Variants in VN1R1 observed in about 807,000 individuals in gnomAD.
VN1R1 encodes vomeronasal 1 receptor 1.
For synonymous variants in VN1R1, 168 were observed against 149.8 expected (o/e 1.12, Z -0.89); for missense variants, 391 against 410.3 (o/e 0.95, Z 0.41).
rs1318650945 is a variant in VN1R1 at position 57,455,968 on chromosome 19, G to C, written c.519C>G (p.Leu173=). ...TCAAGACATGGGGGGCCCAGCAGAG[G>C]AGACAACAGAAGTCAATAAACCTTG... ...RSPRFIDFCC[L]LCWAPHVLMN... Residue 173 remains leucine (L), a synonymous_variant, in exon 1 of 1, where the codon CTC becomes CTG. Coordinates refer to ENST00000321039, the MANE Select transcript of VN1R1 (RefSeq NM_020633.4). The C allele has an allele frequency of 2.5e-6, 4 of 1,614,062 alleles. No homozygotes were observed. The highest frequency in any genetic ancestry group is 3.3e-5 in the Admixed American group (2 of 59,990).
rs183056973 is a variant in VN1R1 at position 57,455,725 on chromosome 19, T to C, written c.762A>G (p.Gln254=). The C allele has an allele frequency of 2.5e-6, 4 of 1,614,184 alleles. No homozygotes were observed. Among genetic ancestry groups the C allele is most frequent in the Middle Eastern group, 1.6e-4 (1 of 6,062 alleles). The change falls in exon 1 of 1, where the codon CAA becomes CAG. Residue 254 remains glutamine, a synonymous_variant. Coordinates refer to ENST00000321039, the MANE Select transcript of VN1R1 (RefSeq NM_020633.4). Reference sequence around the variant, plus strand: ...AGGAGAGTCTGTTGCTGTGATTGTGTTGGACTTGCTGCTTGTGTCTGTAGA... The same window carrying C: ...AGGAGAGTCTGTTGCTGTGATTGTGCTGGACTTGCTGCTTGTGTCTGTAGA... ...FFLYRHKQQV[Q]HNHSNRLSCR...
At position 57,456,874 on chromosome 19, in the gene VN1R1, C is replaced by T. The variant is rs1457962081; in HGVS notation, c.-388G>A. 6.2e-6 allele frequency: 1 copy of T among 161,048 alleles called. No individual in the cohort carries two copies. Among genetic ancestry groups the T allele is most frequent in the Non-Finnish European group, 1.3e-5 (1 of 74,536 alleles). 10.0% of individuals were successfully genotyped at this position (161,048 alleles called of 1,614,324 possible). A position where few individuals can be genotyped will look rare whatever the true frequency, so the allele number is the denominator to read the frequency against. Reference sequence around the variant, plus strand: ...GGAGATATGAAAAGCAAAAATAATACACCATAAAACCTTTTCCACACTAAT... The same window carrying T: ...GGAGATATGAAAAGCAAAAATAATATACCATAAAACCTTTTCCACACTAAT... On this transcript the variant is annotated 5_prime_UTR_variant, in exon 1 of 1. Transcript: ENST00000321039.
At position 57,456,399 on chromosome 19, in the gene VN1R1, T is replaced by C; in HGVS notation, c.88A>G (p.Asn30Asp). ...LFYSTDSSDL[N>D]ENQHPLDFDE... ...AAATCTAGGGGATGTTGATTTTCAT[T>C]GAGGTCTGAAGAATCAGTAGAATAA... Residue 30 changes from asparagine to aspartate, a missense_variant, in exon 1 of 1, where the codon AAT becomes GAT. Physicochemically the swap from Asn to Asp is conservative, Grantham distance 23 (BLOSUM62 1). Transcript: ENST00000321039. 1 of 1,613,540 alleles carries C rather than the reference T, an allele frequency of 6.2e-7. No homozygotes were observed. Among genetic ancestry groups the C allele is most frequent in the Non-Finnish European group, 8.5e-7 (1 of 1,179,482 alleles).
chr19:57,455,932 A>T lies in VN1R1; in HGVS notation c.555T>A (p.Ser185=). 6.2e-7 allele frequency: 1 copy of T among 1,614,262 alleles called. No homozygotes were observed. Among genetic ancestry groups the T allele is most frequent in the South Asian group, 1.1e-5 (1 of 91,092 alleles). ...GTGGGCCATTCACTAATAGAAGAAC[A>T]GATGCATTCATCAAGACATGGGGGG... ...CWAPHVLMNA[S]VLLLVNGPLN... is the part of the protein sequence containing the mutation. Residue 185 remains serine (S), a synonymous_variant, in exon 1 of 1, where the codon TCT becomes TCA. Coordinates refer to ENST00000321039, the MANE Select transcript of VN1R1 (RefSeq NM_020633.4).
At position 57,456,380 on chromosome 19, in the gene VN1R1, A is replaced by G; in HGVS notation, c.107T>C (p.Leu36Pro). Residue 36 changes from leucine (L) to proline (P), a missense_variant, in exon 1 of 1, where the codon CTA (leucine) becomes CCA (proline). By Grantham distance (98) the Leu-to-Pro change is moderately conservative. Coordinates refer to ENST00000321039, the MANE Select transcript of VN1R1 (RefSeq NM_020633.4). ...TCCAAAAGCCATTTCATCAAAATCT[A>G]GGGGATGTTGATTTTCATTGAGGTC... ...SSDLNENQHP[L>P]DFDEMAFGKV... is the part of the protein sequence containing the mutation. 6.2e-7 allele frequency: 1 copy of G among 1,613,798 alleles called. No individual in the cohort carries two copies. The highest frequency in any genetic ancestry group is 1.1e-5 in the South Asian group (1 of 91,074).
chr19:57,455,919 C>G lies in VN1R1; in HGVS notation c.568G>C (p.Val190Leu), dbSNP rs753387616. The G allele has an allele frequency of 1.9e-6, 3 of 1,614,058 alleles. No homozygotes were observed. Among genetic ancestry groups the G allele is most frequent in the African/African-American group, 1.3e-5 (1 of 74,918 alleles). The part of the protein sequence containing the change: ...VLMNASVLLL[V>L]NGPLNSKNSS... ...TTTTTGCTATTCAGTGGGCCATTCA[C>G]TAATAGAAGAACAGATGCATTCATC... The change falls in exon 1 of 1, where the codon GTG becomes CTG. Residue 190 changes from valine (V) to leucine (L), a missense_variant. Coordinates refer to ENST00000321039, the MANE Select transcript of VN1R1 (RefSeq NM_020633.4).
rs1051177812 is a variant in VN1R1 at position 57,455,229 on chromosome 19, A to T, written c.*196T>A. On this transcript the variant is annotated 3_prime_UTR_variant, in exon 1 of 1. Coordinates refer to ENST00000321039, the MANE Select transcript of VN1R1 (RefSeq NM_020633.4). ...TTGATTTCCTGAACTTGTCTGAAGG[A>T]CTTAACACAGTTATATAGAGTGTTC... 2 of 536,756 alleles carry T rather than the reference A, an allele frequency of 3.7e-6. No homozygotes were observed. Among genetic ancestry groups the T allele is most frequent in the Non-Finnish European group, 3.2e-6 (1 of 311,288 alleles). 33.2% of individuals were successfully genotyped at this position (536,756 alleles called of 1,614,324 possible).
chr19:57,456,714 G>A lies in VN1R1; in HGVS notation c.-228C>T. 1 of 430,114 alleles carries A rather than the reference G, an allele frequency of 2.3e-6. No individual in the cohort carries two copies. The allele number at this position is 430,114 out of a possible 1,614,324, so 26.6% of individuals were successfully genotyped here. A position where few individuals can be genotyped will look rare whatever the true frequency, so the allele number is the denominator to read the frequency against. Reference sequence around the variant, plus strand: ...ACAGAAGAGTCAATATCATTAGAGTGATATTATACTATAGTTTGCAAAATG... The same window carrying A: ...ACAGAAGAGTCAATATCATTAGAGTAATATTATACTATAGTTTGCAAAATG... On this transcript the variant is annotated 5_prime_UTR_variant, in exon 1 of 1. Transcript: ENST00000321039.
Position 57,455,955 on chromosome 19 carries a change from G to A in VN1R1, c.532C>T (p.Pro178Ser), listed in dbSNP as rs747614123. The A allele has an allele frequency of 5.0e-6, 8 of 1,614,080 alleles. No individual in the cohort carries two copies. Among genetic ancestry groups the A allele is most frequent in the South Asian group, 4.4e-5 (4 of 91,094 alleles). ...IDFCCLLCWA[P>S]HVLMNASVLL... ...ACAGATGCATTCATCAAGACATGGG[G>A]GGCCCAGCAGAGGAGACAACAGAAG... The change falls in exon 1 of 1, where the codon CCC becomes TCC. Residue 178 changes from proline to serine, a missense_variant. By Grantham distance (74) the Pro-to-Ser change is moderately conservative. Coordinates refer to ENST00000321039, the MANE Select transcript of VN1R1 (RefSeq NM_020633.4).
chr19:57,456,674 A>G lies in VN1R1; in HGVS notation c.-188T>C, dbSNP rs1303474193. Reference sequence around the variant, plus strand: ...TAAATACAAGCAAAACTAGGGAAATATATAAAAACAGAACACAGAAGAGTC... The same window carrying G: ...TAAATACAAGCAAAACTAGGGAAATGTATAAAAACAGAACACAGAAGAGTC... On this transcript the variant is annotated 5_prime_UTR_variant, in exon 1 of 1. Coordinates refer to ENST00000321039, the MANE Select transcript of VN1R1 (RefSeq NM_020633.4). 2.0e-6 allele frequency: 1 copy of G among 505,654 alleles called. No homozygotes were observed. The highest frequency in any genetic ancestry group is 1.9e-5 in the African/African-American group (1 of 51,664). The allele number at this position is 505,654 out of a possible 1,614,324, so 31.3% of individuals were successfully genotyped here.
In VN1R1 at chr19:57,456,581, G is replaced by A; in HGVS notation, c.-95C>T. The A allele has an allele frequency of 9.9e-7, 1 of 1,014,184 alleles. No individual in the cohort carries two copies. Among genetic ancestry groups the A allele is most frequent in the Admixed American group, 2.9e-5 (1 of 33,946 alleles). 62.8% of individuals were successfully genotyped at this position (1,014,184 alleles called of 1,614,324 possible). ...TGCAGAGAAGCAGGTGAATGAATGA[G>A]GGCTCAACCGCACAACAGATCCACA... On this transcript the variant is annotated 5_prime_UTR_variant, in exon 1 of 1. Transcript: ENST00000321039.
chr19:57,456,035 T>G lies in VN1R1; in HGVS notation c.452A>C (p.Asn151Thr), dbSNP rs368227461. The G allele has an allele frequency of 9.9e-6, 16 of 1,614,144 alleles. No individual in the cohort carries two copies. In the African/African-American group the frequency reaches 1.3e-4, roughly 13 times the overall value. Residue 151 changes from asparagine (N) to threonine (T), a missense_variant, in exon 1 of 1, where the codon AAC becomes ACC. By Grantham distance (65) the Asn-to-Thr change is moderately conservative. Coordinates refer to ENST00000321039, the MANE Select transcript of VN1R1 (RefSeq NM_020633.4). ...CTCCATCCACCTGCATATACTGGGG[T>G]TGAGCTTAATGGCTTGGAATCCATT... ...LLNGFQAIKL[N>T]PSICRWMEIK...
chr19:57,456,084 A>C lies in VN1R1; in HGVS notation c.403T>G (p.Ser135Ala), dbSNP rs776666142. ...TTGAGAAGGCAGATGGTGCTGAGGGAAACTCTTGTGCCCACCCTGTGATAA... is the reference window on the plus strand; with the variant it reads ...TTGAGAAGGCAGATGGTGCTGAGGGCAACTCTTGTGCCCACCCTGTGATAA... ...FYYHRVGTRV[S>A]LSTICLLNGF... is the part of the protein sequence containing the mutation. Residue 135 changes from serine (S) to alanine (A), a missense_variant, in exon 1 of 1, where the codon TCC becomes GCC. Physicochemically the swap from Ser to Ala is moderately conservative, Grantham distance 99. Transcript: ENST00000321039. 6.2e-7 allele frequency: 1 copy of C among 1,614,150 alleles called. No homozygotes were observed. The highest frequency in any genetic ancestry group is 1.1e-5 in the South Asian group (1 of 91,078).
Position 57,456,219 on chromosome 19 carries a change from G to A in VN1R1, c.268C>T (p.Leu90=). The change falls in exon 1 of 1, where the codon CTG becomes TTG. Residue 90 remains leucine (L), a synonymous_variant. Transcript: ENST00000321039. ...LRPTDLILSQ[L]ALANSMVLFF... Reference sequence around the variant, plus strand: ...AGGACCATGGAGTTAGCCAAGGCCAGTTGGCTGAGAATCAAGTCCGTGGGT... The same window carrying A: ...AGGACCATGGAGTTAGCCAAGGCCAATTGGCTGAGAATCAAGTCCGTGGGT... 6.2e-7 allele frequency: 1 copy of A among 1,614,218 alleles called. No homozygotes were observed. The highest frequency in any genetic ancestry group is 1.6e-4 in the Middle Eastern group (1 of 6,062).
chr19:57,455,917 C>T lies in VN1R1; in HGVS notation c.570G>A (p.Val190=), dbSNP rs776149336. 1.2e-5 allele frequency: 19 copies of T among 1,614,162 alleles called. No homozygotes were observed. Among genetic ancestry groups the T allele is most frequent in the Non-Finnish European group, 1.6e-5 (19 of 1,180,020 alleles). ...VLMNASVLLL[V]NGPLNSKNSS... is the part of the protein sequence containing the mutation. Reference sequence around the variant, plus strand: ...TGTTTTTGCTATTCAGTGGGCCATTCACTAATAGAAGAACAGATGCATTCA... The same window carrying T: ...TGTTTTTGCTATTCAGTGGGCCATTTACTAATAGAAGAACAGATGCATTCA... The change falls in exon 1 of 1, where the codon GTG becomes GTA. Residue 190 remains valine (V), a synonymous_variant. Coordinates refer to ENST00000321039, the MANE Select transcript of VN1R1 (RefSeq NM_020633.4).
In VN1R1 at chr19:57,455,902, A is replaced by C. The variant is rs1474436824; in HGVS notation, c.585T>G (p.Asn195Lys). 1.9e-6 allele frequency: 3 copies of C among 1,614,104 alleles called. No individual in the cohort carries two copies. The East Asian group carries it at 6.7e-5, about 36-fold the overall frequency. The stretch of plus-strand genomic sequence containing the variant: ...TGTTTTTTGCACTACTGTTTTTGCT[A>C]TTCAGTGGGCCATTCACTAATAGAA... ...SVLLLVNGPL[N>K]SKNSSAKNNY... Residue 195 changes from asparagine to lysine, a missense_variant, in exon 1 of 1, where the codon AAT becomes AAG. Asn to Lys is a moderately conservative substitution (Grantham distance 94). Transcript: ENST00000321039.
In VN1R1 at chr19:57,455,170, C is replaced by A; in HGVS notation, c.*255G>T. The A allele has an allele frequency of 4.9e-6, 2 of 406,048 alleles. No individual in the cohort carries two copies. Among genetic ancestry groups the A allele is most frequent in the Non-Finnish European group, 8.8e-6 (2 of 227,090 alleles). 25.2% of individuals were successfully genotyped at this position (406,048 alleles called of 1,614,324 possible). On this transcript the variant is annotated 3_prime_UTR_variant, in exon 1 of 1. Transcript: ENST00000321039. ...CATAGTACAAAAATGAGAAATCTCC[C>A]CTAAATCTCTAAAGAATTCCCTTTT...
At position 57,456,076 on chromosome 19, in the gene VN1R1, G is replaced by T; in HGVS notation, c.411C>A (p.Ser137Arg). Reference protein sequence around the residue: ...YHRVGTRVSLSTICLLNGFQA... With the variant: ...YHRVGTRVSLRTICLLNGFQA... ...GGAATCCATTGAGAAGGCAGATGGT[G>T]CTGAGGGAAACTCTTGTGCCCACCC... is the stretch of plus-strand genomic sequence containing the variant. Residue 137 changes from serine (S) to arginine (R), a missense_variant, in exon 1 of 1, where the codon AGC (serine) becomes AGA (arginine). Transcript: ENST00000321039. The T allele has an allele frequency of 6.2e-7, 1 of 1,614,196 alleles. No homozygotes were observed. Among genetic ancestry groups the T allele is most frequent in the Non-Finnish European group, 8.5e-7 (1 of 1,180,042 alleles).
At position 57,455,391 on chromosome 19, in the gene VN1R1, T is replaced by C. The variant is rs372428091; in HGVS notation, c.*34A>G. On this transcript the variant is annotated 3_prime_UTR_variant, in exon 1 of 1. Transcript: ENST00000321039. ...ATTTCCTAAATCTTAGCAAGAGTTA[T>C]GATAAATAGCTGAATTCCATGAAGA... 1.1e-5 allele frequency: 17 copies of C among 1,560,438 alleles called. No homozygotes were observed. The highest frequency in any genetic ancestry group is 1.9e-5 in the Admixed American group (1 of 51,782).
Sources: allele counts gnomAD v4.1 joint callset, GRCh38; gene constraint gnomAD v4.1.1; transcripts MANE v1.5; gene names NCBI Gene and HGNC (gene_info 2026-07-23, HGNC 2026-07-21).